Variants in BAG3 observed in about 807,000 individuals in gnomAD.
The protein encoded by BAG3 is BAG family molecular chaperone regulator 3.
BAG3 carries 14 observed loss-of-function variants against 40.5 expected under a neutral mutation model. That is an observed-to-expected ratio of 0.35 (90% CI 0.23 to 0.54). The LOEUF (loss-of-function observed/expected upper bound fraction) is 0.54, where lower values mean the gene tolerates loss of function less well. Ranked by LOEUF, BAG3 falls within the 20% of genes least tolerant of loss-of-function variation. The pLI is 0.91. For missense variants in BAG3, 788 were observed against 758.6 expected, an observed-to-expected ratio of 1.04 and a Z score of -0.46; for synonymous variants, 302 against 307.8, an observed-to-expected ratio of 0.98 and a Z score of 0.20.
In BAG3 at chr10:119,657,602, G is replaced by A. The variant is rs537528749; in HGVS notation, c.180+5747G>A. On this transcript the variant is annotated intron_variant, in intron 1 of 3. Coordinates refer to ENST00000369085, the MANE Select transcript of BAG3 (RefSeq NM_004281.4). ...CGGGAAGCCTTCCATTGGTTCCTAA[G>A]AACTGCAGAGTTGTCCTGGGCTCCT... The A allele has an allele frequency of 3.8e-5, 18 of 471,092 alleles. No individual in the cohort carries two copies. In the East Asian group the frequency reaches 1.2e-3, roughly 31 times the overall value. The allele number at this position is 471,092 out of a possible 1,614,324, so 29.2% of individuals were successfully genotyped here. A position where few individuals can be genotyped will look rare whatever the true frequency, so the allele number is the denominator to read the frequency against.
At chr10:119,661,279 A>G (rs1440771082) in intron 1 of BAG3, among the ~76,000 whole-genome samples, 2 of 152,126 alleles carry the variant, frequency 1.3e-5, no homozygotes, top group Non-Finnish European at 2.9e-5. Context: ...GAAAGAAAGA[A>G]AGAAAAAGAA....
At chr10:119,675,441 G>A (rs1319860525) in intron 3 of BAG3, among the ~76,000 whole-genome samples, 1 of 152,204 alleles carries the variant, frequency 6.6e-6, no homozygotes, top group African/African-American at 2.4e-5. Flanking sequence ...TTAGGCTACA[G>A]CACAGCTATC....
intron 1 of BAG3, among the ~76,000 whole-genome samples, chr10:119,654,820 G>A (rs1057156313): frequency 3.9e-5 from 6 of 152,172 alleles, no homozygotes; most frequent in African/African-American, 1.2e-4. Flanking sequence ...TGCTGTTCCC[G>A]CCAGGCCTCC....
rs141277536 is a variant in BAG3 at position 119,657,556 on chromosome 10, G to A, written c.180+5701G>A. 155 of 471,174 alleles carry A rather than the reference G, an allele frequency of 3.3e-4. No homozygotes were observed. The highest frequency in any genetic ancestry group is 2.7e-3 in the African/African-American group (135 of 50,208). The allele number at this position is 471,174 out of a possible 1,614,324, so 29.2% of individuals were successfully genotyped here. A position where few individuals can be genotyped will look rare whatever the true frequency, so the allele number is the denominator to read the frequency against. On this transcript the variant is annotated intron_variant, in intron 1 of 3. Transcript: ENST00000369085. ...GAAGGCAGATACAGAAGAGCTGCCC[G>A]TGAAGGATGCAGGTGTGTCCCGGGA...
chr10:119,676,634 G>T lies in BAG3; in HGVS notation c.1080G>T (p.Glu360Asp), dbSNP rs1434067304. The change falls in exon 4 of 4, where the codon GAG (glutamate) becomes GAT (aspartate). Residue 360 changes from glutamate (E) to aspartate (D), a missense_variant. Physicochemically the swap from Glu to Asp is conservative, Grantham distance 45. Transcript: ENST00000369085. ...PVSQKPPPPSEKVEVKVPPAP... is the reference protein window; with the variant it reads ...PVSQKPPPPSDKVEVKVPPAP... ...CCCAGAAGCCCCCACCTCCCTCTGA[G>T]AAGGTAGAGGTGAAAGTTCCCCCTG... The T allele has an allele frequency of 6.2e-7, 1 of 1,614,138 alleles. No individual in the cohort carries two copies. The highest frequency in any genetic ancestry group is 8.5e-7 in the Non-Finnish European group (1 of 1,180,044).
At chr10:119,666,626 C>G (rs1847072655) in intron 1 of BAG3, among the ~76,000 whole-genome samples, 1 of 152,276 alleles carries the variant, frequency 6.6e-6, no homozygotes, top group Non-Finnish European at 1.5e-5. Flanking sequence ...CAGCTCGTGG[C>G]TGGCTCAAGG....
rs1446512587 is a variant in BAG3, at chr10:119,672,168, G to A, written c.508-87G>A. On this transcript the variant is annotated intron_variant, in intron 2 of 3. Transcript: ENST00000369085. The surrounding 1 kb of genome is among the most constrained non-coding windows in gnomAD (Gnocchi z 4.8). ...GGTCTTACAATATGGATTGCCCTGA[G>A]GAGGTGCACAGCAGAAGGCGTGGTC... The A allele has an allele frequency of 7.2e-6, 11 of 1,538,072 alleles. No homozygotes were observed. Among genetic ancestry groups the A allele is most frequent in the Non-Finnish European group, 9.8e-6 (11 of 1,122,218 alleles).
chr10:119,663,861 C>T (rs926207223), intron 1 of BAG3, among the ~76,000 whole-genome samples: 1 of 152,132 alleles, frequency 6.6e-6, no homozygotes, highest in African/African-American at 2.4e-5. Context: ...TCCTCACACA[C>T]CTACGGAATC....
Position 119,677,695 on chromosome 10 carries a change from CAT to C in BAG3, c.*415_*416del, listed in dbSNP as rs1240686163. The C allele has an allele frequency of 1.7e-5, 4 of 236,318 alleles. No individual in the cohort carries two copies. Among genetic ancestry groups the C allele is most frequent in the Admixed American group, 5.0e-5 (1 of 19,870 alleles). 14.6% of individuals were successfully genotyped at this position (236,318 alleles called of 1,614,324 possible). A position where few individuals can be genotyped will look rare whatever the true frequency, so the allele number is the denominator to read the frequency against. On this transcript the variant is annotated 3_prime_UTR_variant, in exon 4 of 4. Transcript: ENST00000369085. ...TTTAATGAGATGATTTTCTTCATCT[CAT>C]AATTAAAATACCTGACTTTAGAGAG...
In BAG3 at chr10:119,665,795, T is replaced by G. The variant is rs939994006; in HGVS notation, c.181-4056T>G. Among the ~76,000 whole-genome samples, 8 of 152,210 alleles carry G rather than the reference T, an allele frequency of 5.3e-5. No homozygotes were observed. The East Asian group carries it at 1.2e-3, about 22-fold the overall frequency. ...TTTTTTATTTAAAGCAATTTTTTGT[T>G]GTTGTTGTTTTTTTTTAAACAAAAC... On this transcript the variant is annotated intron_variant, in intron 1 of 3. Coordinates refer to ENST00000369085, the MANE Select transcript of BAG3 (RefSeq NM_004281.4).
At chr10:119,673,784 A>C (rs1041349669) in intron 3 of BAG3, among the ~76,000 whole-genome samples, 3 of 152,334 alleles carry the variant, frequency 2.0e-5, no homozygotes, top group Non-Finnish European at 4.4e-5. Context: ...CATCCAGTTC[A>C]CTGTTTGTCA....
At chr10:119,658,379 C>T (rs945263375) in intron 1 of BAG3, among the ~76,000 whole-genome samples, 2 of 152,206 alleles carry the variant, frequency 1.3e-5, no homozygotes, top group Non-Finnish European at 2.9e-5. Context: ...CGCTCCATGC[C>T]GGGCGTCCCT....
intron 1 of BAG3, among the ~76,000 whole-genome samples, chr10:119,655,748 C>T (rs1313824207): frequency 6.6e-6 from 1 of 152,110 alleles, no homozygotes; most frequent in East Asian, 1.9e-4. Flanking sequence ...CCAGCTCATC[C>T]AGGACTTTCA....
intron 1 of BAG3, among the ~76,000 whole-genome samples, chr10:119,662,470 T>C (rs1252547471): frequency 1.3e-5 from 2 of 152,116 alleles, no homozygotes; most frequent in Non-Finnish European, 2.9e-5. Flanking sequence ...TATGGGGAGT[T>C]CCAGGATTTC....
chr10:119,675,747 C>T (rs867558999), intron 3 of BAG3, among the ~76,000 whole-genome samples: 151 of 128,952 alleles, frequency 1.2e-3, no homozygotes, highest in African/African-American at 4.2e-3. Context: ...CTATTTTTTT[C>T]CTTCTTTCCT....
Position 119,669,959 on chromosome 10 carries a change from C to T in BAG3, c.289C>T (p.Pro97Ser), listed in dbSNP as rs747274078. Reference protein sequence around the residue: ...PQLRPGYIPIPVLHEGAENRQ... With the variant: ...PQLRPGYIPISVLHEGAENRQ... ...GCTCCGACCAGGCTACATTCCCATT[C>T]CTGTGCTCCATGAAGGCGCTGAGAA... Residue 97 changes from proline to serine, a missense_variant, in exon 2 of 4, where the codon CCT (proline) becomes TCT (serine). Pro to Ser is a moderately conservative substitution (Grantham distance 74). Coordinates refer to ENST00000369085, the MANE Select transcript of BAG3 (RefSeq NM_004281.4). 11 of 1,614,262 alleles carry T rather than the reference C, an allele frequency of 6.8e-6. No homozygotes were observed. In the Admixed American group the frequency reaches 1.7e-4, roughly 24 times the overall value.
intron 2 of BAG3, among the ~76,000 whole-genome samples, 196 bp downstream of exon 2, chr10:119,670,373 G>A (rs1847132667): frequency 6.6e-6 from 1 of 152,256 alleles, no homozygotes; most frequent in African/African-American, 2.4e-5. Context: ...CATCTCATAG[G>A]GCTGTTCTTC....
chr10:119,662,831 A>G (rs1395531908), intron 1 of BAG3, among the ~76,000 whole-genome samples: 1 of 152,068 alleles, frequency 6.6e-6, no homozygotes, highest in Non-Finnish European at 1.5e-5. Context: ...TGGCCAATAT[A>G]GTGAAACCCC....
chr10:119,664,925 T>A (rs938731455), intron 1 of BAG3, among the ~76,000 whole-genome samples: 4 of 151,926 alleles, frequency 2.6e-5, no homozygotes, highest in Non-Finnish European at 4.4e-5. Context: ...TGTGTGTGTG[T>A]GAGAGTTTTT....
Sources: gnomAD v4.1 joint callset for allele counts (sites outside exome capture counted in the v4.1 genomes callset) on GRCh38, gnomAD v4.1.1 for gene constraint, Gnocchi (gnomAD v3.1) non-coding constraint, MANE v1.5 for transcripts, NCBI Gene and HGNC (gene_info 2026-07-23, HGNC 2026-07-21) for gene names.